Variants in CNTN1 observed in about 807,000 individuals in gnomAD.
The protein encoded by CNTN1 is contactin 1, also known as contactin-1.
CNTN1 carries 38 observed loss-of-function variants against 126.4 expected under a neutral mutation model. The observed-to-expected ratio is 0.30, with a 90% CI of 0.23 to 0.39. The LOEUF (loss-of-function observed/expected upper bound fraction) is 0.39. CNTN1 is among the 10% of genes least tolerant of loss of function. The pLI, the probability that CNTN1 is intolerant of heterozygous loss-of-function variation, is 1.00. For synonymous variants in CNTN1, 413 were observed against 422.6 expected (o/e 0.98, Z 0.28); for missense variants, 1,009 against 1,248.4 (o/e 0.81, Z 2.89).
At chr12:40,740,224 A>G (rs1937880863) in intron 1 of CNTN1, among the ~76,000 whole-genome samples, 1 of 152,078 alleles carries the variant, frequency 6.6e-6, no homozygotes, top group South Asian at 2.1e-4. Flanking sequence ...TTTGAGCTGA[A>G]GTTGTGACCT....
Position 40,705,924 on chromosome 12 carries a change from G to C in CNTN1, c.-77+13332G>C, listed in dbSNP as rs186599313. Among the ~76,000 whole-genome samples, 621 of 151,950 alleles carry C rather than the reference G, an allele frequency of 4.1e-3. 5 individuals are homozygous for C. The highest frequency in any genetic ancestry group is 4.9e-3 in the Non-Finnish European group (335 of 67,966). ...GCTTTAACAACCAGATCGGTCAAAAGAACTCACTCACTGTCTTGAGACAGC... is the reference window on the plus strand; with the variant it reads ...GCTTTAACAACCAGATCGGTCAAAACAACTCACTCACTGTCTTGAGACAGC... On this transcript the variant is annotated intron_variant, in intron 1 of 23. Transcript: ENST00000551295.
intron 1 of CNTN1, among the ~76,000 whole-genome samples, chr12:40,707,602 A>G (rs549945341): frequency 6.6e-6 from 1 of 152,274 alleles, no homozygotes; most frequent in East Asian, 1.9e-4. Context: ...TTGCTAGCCA[A>G]TCTGAGCATC....
chr12:40,939,272 A>G (rs1235458945), intron 11 of CNTN1, 63 bp from the exon 12 acceptor site: 6 of 1,556,630 alleles, frequency 3.9e-6, no homozygotes, highest in Non-Finnish European at 5.3e-6. Context: ...ATTCTACAAC[A>G]CAGAAGCAAT....
chr12:40,695,998 C>A (rs756496061), intron 1 of CNTN1, among the ~76,000 whole-genome samples: 2 of 152,176 alleles, frequency 1.3e-5, no homozygotes, highest in Admixed American at 1.3e-4. Context: ...TATCATGATG[C>A]AGTTAAGCGA....
Position 40,942,005 on chromosome 12 carries a change from A to G in CNTN1, c.1380-1592A>G, listed in dbSNP as rs960178362. On this transcript the variant is annotated intron_variant, in intron 12 of 23. Coordinates refer to ENST00000551295, the MANE Select transcript of CNTN1 (RefSeq NM_001843.4). ...ACATGGAATTATGTATACCCTTTAA[A>G]GATGGTAAAAGATCAATTGAAAACT... 3.3e-5 allele frequency among the ~76,000 whole-genome samples: 5 copies of G among 152,296 alleles called. No individual in the cohort carries two copies. In the South Asian group the frequency reaches 6.2e-4, roughly 19 times the overall value.
At chr12:40,911,303 A>G (rs1053401054) in intron 3 of CNTN1, among the ~76,000 whole-genome samples, 4 of 152,058 alleles carry the variant, frequency 2.6e-5, no homozygotes, top group South Asian at 2.1e-4. Context: ...GATGGTCTCA[A>G]TCTCCTGACC....
chr12:41,048,808 CAAA>C (rs1247372937), intron 23 of CNTN1, among the ~76,000 whole-genome samples: 1 of 151,756 alleles, frequency 6.6e-6, no homozygotes, highest in Non-Finnish European at 1.5e-5. Context: ...CGAAGAAAAA[CAAA>C]AAAAGAAAAT....
intron 6 of CNTN1, among the ~76,000 whole-genome samples, chr12:40,926,399 A>C (rs1380021655): frequency 6.6e-6 from 1 of 152,102 alleles, no homozygotes; most frequent in African/African-American, 2.4e-5. Context: ...AAGACCAAGG[A>C]AGCCAGGGTG....
chr12:40,881,037 C>T (rs1943852664), intron 1 of CNTN1, among the ~76,000 whole-genome samples: 1 of 151,936 alleles, frequency 6.6e-6, no homozygotes, highest in South Asian at 2.1e-4. Context: ...CTTTCACCTC[C>T]TGTGAATAGA....
chr12:41,029,365 G>A, intron 23 of CNTN1, 146 bp downstream of exon 23: 1 of 901,306 alleles, frequency 1.1e-6, no homozygotes, highest in African/African-American at 1.6e-5. Flanking sequence ...CCTGAAACTT[G>A]GTATTTCTCC....
chr12:40,996,080 G>A (rs1592376731), intron 17 of CNTN1, among the ~76,000 whole-genome samples: 1 of 152,040 alleles, frequency 6.6e-6, no homozygotes, highest in East Asian at 1.9e-4. Flanking sequence ...TTGGTGGAAT[G>A]CCCGCATTAT....
intron 1 of CNTN1, among the ~76,000 whole-genome samples, chr12:40,884,746 A>G (rs1427564600): frequency 6.6e-6 from 1 of 151,632 alleles, no homozygotes; most frequent in East Asian, 1.9e-4. Flanking sequence ...TCATTAGTCT[A>G]TTAGTATTAT....
intron 1 of CNTN1, among the ~76,000 whole-genome samples, chr12:40,760,710 C>A (rs925238737): frequency 6.6e-6 from 1 of 152,024 alleles, no homozygotes; most frequent in African/African-American, 2.4e-5. Flanking sequence ...AAATACAAAA[C>A]AAATTATATT....
chr12:40,967,772 T>G (rs1210349712), intron 15 of CNTN1, among the ~76,000 whole-genome samples: 1 of 151,734 alleles, frequency 6.6e-6, no homozygotes, highest in Admixed American at 6.6e-5. Context: ...AGTTCATATT[T>G]TGAAAGTAAT....
intron 1 of CNTN1, among the ~76,000 whole-genome samples, chr12:40,760,857 T>A (rs199581469): frequency 1.1e-5 from 1 of 92,614 alleles, no homozygotes; most frequent in African/African-American, 3.6e-5. Flanking sequence ...ACACACACAC[T>A]TCCACTTTGA....
At chr12:41,029,914 T>C (rs915967772) in intron 23 of CNTN1, among the ~76,000 whole-genome samples, 4 of 152,050 alleles carry the variant, frequency 2.6e-5, no homozygotes, top group Non-Finnish European at 5.9e-5. Flanking sequence ...TCTTTTTTTT[T>C]ATTTCTGGCA....
At chr12:41,054,733 A>C (rs751459802) in intron 23 of CNTN1, among the ~76,000 whole-genome samples, 1 of 152,106 alleles carries the variant, frequency 6.6e-6, no homozygotes, top group Non-Finnish European at 1.5e-5. Flanking sequence ...TTCTCTAGTT[A>C]TTAGATGTAC....
chr12:40,836,006 G>GTA (rs149558803), intron 1 of CNTN1, among the ~76,000 whole-genome samples: 2,207 of 80,826 alleles, frequency 0.027, 69 homozygotes, highest in African/African-American at 0.081. Flanking sequence ...GTGTGTGTGT[G>GTA]TGTATATATG....
chr12:40,730,971 C>A (rs1003507417), intron 1 of CNTN1, among the ~76,000 whole-genome samples: 8 of 151,636 alleles, frequency 5.3e-5, no homozygotes, highest in Non-Finnish European at 1.0e-4. Context: ...AGATATTATG[C>A]AACGGGCATA....
Sources: gnomAD v4.1 joint callset for allele counts (sites outside exome capture counted in the v4.1 genomes callset) on GRCh38, gnomAD v4.1.1 for gene constraint, MANE v1.5 for transcripts, NCBI Gene and HGNC (gene_info 2026-07-23, HGNC 2026-07-21) for gene names.